The following PCDH15 variants were observed in gnomAD, a reference collection of about 807,000 sequenced individuals.
PCDH15 encodes the protein protocadherin-15.
A neutral mutation model predicts 178.5 loss-of-function variants in PCDH15; 129 were observed. The observed-to-expected ratio is 0.72, with a 90% confidence interval of 0.63 to 0.84. The LOEUF is 0.84. Ranked by LOEUF, PCDH15 falls within the 40% of genes least tolerant of loss-of-function variation. The pLI, the probability that PCDH15 is intolerant of heterozygous loss-of-function variation, is 0.00. For missense variants in PCDH15, 2,230 were observed against 2,099.9 expected, an observed-to-expected ratio of 1.06 and a Z score of -1.21; for synonymous variants, 800 against 732.0, an observed-to-expected ratio of 1.09 and a Z score of -1.50.
At chr10:54,329,428 C>T (rs1214804499) in intron 7 of PCDH15, among the ~76,000 whole-genome samples, 168 bp downstream of exon 7, 1 of 151,918 alleles carries the variant, frequency 6.6e-6, no homozygotes, top group East Asian at 1.9e-4. Flanking sequence ...ACAACCTATT[C>T]TATCCCTTTC....
chr10:55,253,123 C>T (rs1047847333), intron 1 of PCDH15, among the ~76,000 whole-genome samples: 2 of 151,890 alleles, frequency 1.3e-5, no homozygotes, highest in Non-Finnish European at 2.9e-5. Flanking sequence ...GAGTCATGGT[C>T]TCCATCTAAT....
At chr10:54,406,627 T>C (rs1952701638) in intron 3 of PCDH15, among the ~76,000 whole-genome samples, 1 of 152,108 alleles carries the variant, frequency 6.6e-6, no homozygotes, top group Non-Finnish European at 1.5e-5. Flanking sequence ...GCAGTAGCCT[T>C]TCCACTAACA....
intron 23 of PCDH15, among the ~76,000 whole-genome samples, chr10:53,947,101 G>A (rs2134140020): frequency 6.6e-6 from 1 of 152,196 alleles, no homozygotes; most frequent in African/African-American, 2.4e-5. Flanking sequence ...ATATTTCTAA[G>A]TGTTTTTTGA....
chr10:55,390,998 T>A (rs1452122468), intron 2 of PCDH15, among the ~76,000 whole-genome samples: 3 of 152,170 alleles, frequency 2.0e-5, no homozygotes, highest in South Asian at 4.1e-4. Flanking sequence ...ACCAGCTGCA[T>A]TAGCCCAATA....
intron 11 of PCDH15, among the ~76,000 whole-genome samples, chr10:54,190,764 G>A (rs902778465): frequency 1.3e-5 from 2 of 152,086 alleles, no homozygotes; most frequent in Non-Finnish European, 2.9e-5. Context: ...TGGCTTTAAA[G>A]TTTTCTTTTC....
At chr10:54,121,229 A>C (rs1419223028) in intron 15 of PCDH15, among the ~76,000 whole-genome samples, 3 of 146,780 alleles carry the variant, frequency 2.0e-5, no homozygotes, top group Non-Finnish European at 4.5e-5. Flanking sequence ...GAAACATAAA[A>C]AATTATTTGA....
At chr10:54,111,328 G>C (rs1034691693) in intron 15 of PCDH15, among the ~76,000 whole-genome samples, 17 of 151,982 alleles carry the variant, frequency 1.1e-4, no homozygotes, top group African/African-American at 4.1e-4. Flanking sequence ...CAAGCAAATA[G>C]TCTACATTCA....
intron 1 of PCDH15, among the ~76,000 whole-genome samples, chr10:55,223,696 C>G (rs550061019): frequency 6.6e-6 from 1 of 151,972 alleles, no homozygotes; most frequent in East Asian, 1.9e-4. Context: ...CAGGCCTTGT[C>G]AATGAAAGAT....
At chr10:54,248,535 G>T (rs2056202657) in intron 8 of PCDH15, among the ~76,000 whole-genome samples, 1 of 151,898 alleles carries the variant, frequency 6.6e-6, no homozygotes, top group Non-Finnish European at 1.5e-5. Flanking sequence ...TAAGCAGTTG[G>T]CAGGTACCAA....
chr10:54,116,693 A>G (rs974656079), intron 15 of PCDH15, among the ~76,000 whole-genome samples: 2 of 152,180 alleles, frequency 1.3e-5, no homozygotes, highest in Non-Finnish European at 2.9e-5. Context: ...TCCAGTCCTA[A>G]GTGCTAGTGA....
At chr10:54,000,050 T>A (rs563589361) in intron 20 of PCDH15, among the ~76,000 whole-genome samples, 5 of 152,242 alleles carry the variant, frequency 3.3e-5, no homozygotes, top group Non-Finnish European at 5.9e-5. Context: ...AGTTTCTGCC[T>A]GGTAATTAAG....
chr10:55,479,961 T>C (rs1840142483), intron 2 of PCDH15, among the ~76,000 whole-genome samples: 1 of 151,774 alleles, frequency 6.6e-6, no homozygotes, highest in African/African-American at 2.4e-5. Flanking sequence ...TCTTTTTGCT[T>C]AGGATTGCCT....
At chr10:54,299,207 CAG>C (rs573647171) in intron 8 of PCDH15, among the ~76,000 whole-genome samples, 2 of 151,280 alleles carry the variant, frequency 1.3e-5, no homozygotes, top group South Asian at 4.2e-4. Flanking sequence ...GAGGAGGAGA[CAG>C]AGAGAGGAAG....
intron 20 of PCDH15, among the ~76,000 whole-genome samples, chr10:54,000,010 G>A (rs2092049825): frequency 6.6e-6 from 1 of 152,144 alleles, no homozygotes; most frequent in Non-Finnish European, 1.5e-5. Context: ...GAGACACTCT[G>A]TCTGGGAGAG....
chr10:54,826,418 G>C (rs989104883), intron 3 of PCDH15, among the ~76,000 whole-genome samples: 16 of 151,644 alleles, frequency 1.1e-4, no homozygotes, highest in Non-Finnish European at 2.2e-4. Flanking sequence ...AAGATGGCAA[G>C]ATACAACTGA....
intron 25 of PCDH15, among the ~76,000 whole-genome samples, chr10:53,933,893 G>A (rs2085320353): frequency 6.6e-6 from 1 of 152,268 alleles, no homozygotes; most frequent in African/African-American, 2.4e-5. Flanking sequence ...GTATCTCATT[G>A]TGGTTTTGAT....
chr10:54,540,934 A>G (rs1394706654), intron 2 of PCDH15, among the ~76,000 whole-genome samples: 1 of 152,178 alleles, frequency 6.6e-6, no homozygotes, highest in African/African-American at 2.4e-5. Flanking sequence ...TAGATGCAGA[A>G]AAAGCTTTCA....
At chr10:53,810,493 A>T (rs1399165695) in intron 37 of PCDH15, 63 bp downstream of exon 37, 2 of 1,431,232 alleles carry the variant, frequency 1.4e-6, no homozygotes, top group East Asian at 2.3e-5. Flanking sequence ...GCCGCTAGTC[A>T]CGTAGGGTTA....
At chr10:54,055,877 T>C (rs1035473717) in intron 18 of PCDH15, among the ~76,000 whole-genome samples, 1 of 152,242 alleles carries the variant, frequency 6.6e-6, no homozygotes, top group Non-Finnish European at 1.5e-5. Flanking sequence ...CCCAGACTGA[T>C]GATTGAATTC....
Sources: gnomAD v4.1 joint callset for allele counts (sites outside exome capture counted in the v4.1 genomes callset) on GRCh38, gnomAD v4.1.1 for gene constraint, MANE v1.5 for transcripts, NCBI Gene and HGNC (gene_info 2026-07-23, HGNC 2026-07-21) for gene names.